SALL2: variants seen among roughly 807,000 people sequenced by gnomAD.
SALL2 encodes spalt like transcription factor 2.
A neutral mutation model predicts 58.5 loss-of-function variants in SALL2; 32 were observed. That is an observed-to-expected ratio of 0.55 (90% CI 0.41 to 0.74). The LOEUF (loss-of-function observed/expected upper bound fraction) is 0.74, where lower values mean the gene tolerates loss of function less well. SALL2 is among the 30% of genes least tolerant of loss of function. The pLI, the probability that SALL2 is intolerant of heterozygous loss-of-function variation, is 0.00. For missense variants in SALL2, 1,201 were observed against 1,268.9 expected (o/e 0.95, Z 0.81); for synonymous variants, 516 against 513.6 (o/e 1.00, Z -0.06).
chr14:21,537,031 A>G, exon 1 of SALL2: 1 of 803,858 alleles, frequency 1.2e-6, no homozygotes, highest in Middle Eastern at 2.3e-4. Context: ...CCTCTCCCCC[A>G]GCGCAAATCA....
At chr14:21,526,441 G>A, upstream of SALL2, 4 of 1,338,678 alleles carry the variant, frequency 3.0e-6, no homozygotes, top group Non-Finnish European at 3.8e-6. Context: ...GCTAGCGGGG[G>A]CGTGGGGGCG....
In SALL2 at chr14:21,522,340, T is replaced by A; in HGVS notation, c.*364A>T. On this transcript the variant is annotated 3_prime_UTR_variant, in exon 2 of 2. Coordinates refer to ENST00000537235, the MANE Select transcript of SALL2 (RefSeq NM_001364564.1). ...TCCAGAGACAGCTGCCAGCCCTTTT[T>A]GGCTAGGCTGCAATGCCAAATGTAG... 1 of 1,456,924 alleles carries A rather than the reference T, an allele frequency of 6.9e-7. No individual in the cohort carries two copies. The highest frequency in any genetic ancestry group is 9.0e-7 in the Non-Finnish European group (1 of 1,106,428). 90.2% of individuals were successfully genotyped at this position (1,456,924 alleles called of 1,614,324 possible). A position where few individuals can be genotyped will look rare whatever the true frequency, so the allele number is the denominator to read the frequency against.
chr14:21,529,299 C>T (rs551623768), upstream of SALL2, among the ~76,000 whole-genome samples: 1 of 152,208 alleles, frequency 6.6e-6, no homozygotes. Context: ...CCTGGACAAG[C>T]TTGTTTAAAC....
In SALL2 at chr14:21,521,986, G is replaced by T. The variant is rs1892049281; in HGVS notation, c.*718C>A. On this transcript the variant is annotated 3_prime_UTR_variant, in exon 2 of 2. Coordinates refer to ENST00000537235, the MANE Select transcript of SALL2 (RefSeq NM_001364564.1). ...ACCGGCACCTTCTGGAGCAGGGGGA[G>T]GAAGAAGGAATGTACAGTTTGCTAC... is the stretch of plus-strand genomic sequence containing the variant. The T allele has an allele frequency of 1.3e-6, 2 of 1,541,996 alleles. No homozygotes were observed.
In SALL2 at chr14:21,521,277, A is replaced by G. The variant is rs1442703067; in HGVS notation, c.*1427T>C. ...TGATCCTATGTTAAGAGTAAATACT[A>G]CAACTCATTACAAGACGGAGAGGCA... On this transcript the variant is annotated 3_prime_UTR_variant, in exon 2 of 2. Coordinates refer to ENST00000537235, the MANE Select transcript of SALL2 (RefSeq NM_001364564.1). The G allele has an allele frequency of 6.6e-6, 1 of 152,368 alleles. No individual in the cohort carries two copies. The highest frequency in any genetic ancestry group is 2.1e-4 in the South Asian group (1 of 4,824). The allele number at this position is 152,368 out of a possible 1,614,324, so 9.4% of individuals were successfully genotyped here. A position where few individuals can be genotyped will look rare whatever the true frequency, so the allele number is the denominator to read the frequency against.
At chr14:21,532,771 G>A (rs1024531970) in intron 1 of SALL2, among the ~76,000 whole-genome samples, 2 of 151,348 alleles carry the variant, frequency 1.3e-5, no homozygotes, top group African/African-American at 4.9e-5. Context: ...AGACCATCCT[G>A]GCTAACACAG....
intron 1 of SALL2, among the ~76,000 whole-genome samples, chr14:21,533,217 A>T (rs1594471212): frequency 1.3e-5 from 2 of 152,204 alleles, no homozygotes; most frequent in South Asian, 2.1e-4. Context: ...CTTATCTAGT[A>T]CTCTGTAACA....
At chr14:21,526,628 T>G (rs1304401227), upstream of SALL2, 5 of 428,316 alleles carry the variant, frequency 1.2e-5, no homozygotes, top group Non-Finnish European at 3.2e-6. Context: ...GTGGGAAACG[T>G]AGCCCTGCTC....
Position 21,525,946 on chromosome 14 carries a change from G to T in SALL2, c.67+115C>A. The T allele has an allele frequency of 9.5e-7, 1 of 1,053,484 alleles. No homozygotes were observed. The highest frequency in any genetic ancestry group is 1.4e-6 in the Non-Finnish European group (1 of 712,452). 65.3% of individuals were successfully genotyped at this position (1,053,484 alleles called of 1,614,324 possible). On this transcript the variant is annotated intron_variant, in intron 1 of 1. Transcript: ENST00000537235. The surrounding 1 kb of genome is among the most constrained non-coding windows in gnomAD (Gnocchi z 4.4). ...AGCGAGTTCACGGAATAGGTGTGGG[G>T]ACAGGGGCCTACGCAGAGAATCATG... is the stretch of plus-strand genomic sequence containing the variant.
Position 21,522,962 on chromosome 14 carries a change from G to T in SALL2, c.2760C>A (p.Ser920=). The T allele has an allele frequency of 6.2e-7, 1 of 1,614,120 alleles. No individual in the cohort carries two copies. Among genetic ancestry groups the T allele is most frequent in the Non-Finnish European group, 8.5e-7 (1 of 1,180,002 alleles). ...TCTGATGCTCCTCCAGAGCTGCCTG[G>T]GAGGGAAAGGCCTGGCCACACACTT... is the stretch of plus-strand genomic sequence containing the variant. ...ACEVCGQAFP[S]QAALEEHQKT... The change falls in exon 2 of 2, where the codon TCC becomes TCA. Residue 920 remains serine, a synonymous_variant. Transcript: ENST00000537235.
chr14:21,536,399 C>CT (rs1474260552), intron 1 of SALL2, among the ~76,000 whole-genome samples: 3 of 152,088 alleles, frequency 2.0e-5, no homozygotes, highest in African/African-American at 4.8e-5. Context: ...CAATGAGAAA[C>CT]TTTTTTCTCG....
chr14:21,531,709 C>CTTTTTTTTTTT (rs199554935), intron 1 of SALL2, among the ~76,000 whole-genome samples: 1 of 138,616 alleles, frequency 7.2e-6, no homozygotes. Context: ...GCCTGGCCAG[C>CTTTTTTTTTTT]CTTTTTTTTT....
rs1892043506 is a variant in SALL2 at position 21,521,849 on chromosome 14, C to T, written c.*855G>A. The T allele has an allele frequency of 5.9e-6, 5 of 840,638 alleles. No individual in the cohort carries two copies. Among genetic ancestry groups the T allele is most frequent in the Non-Finnish European group, 8.9e-6 (5 of 561,174 alleles). The allele number at this position is 840,638 out of a possible 1,614,324, so 52.1% of individuals were successfully genotyped here. The stretch of plus-strand genomic sequence containing the variant: ...TCTTGGCACACTGACCAGCCAAAAC[C>T]TTTACCTTAATGTGACCATCAGGGG... On this transcript the variant is annotated 3_prime_UTR_variant, in exon 2 of 2. Coordinates refer to ENST00000537235, the MANE Select transcript of SALL2 (RefSeq NM_001364564.1).
rs1892149459 is a variant in SALL2 at position 21,523,694 on chromosome 14, G to A, written c.2028C>T (p.Phe676=). The part of the protein sequence containing the change: ...FSTRGNLRAH[F]VGHKASPAAR... The stretch of plus-strand genomic sequence containing the variant: ...CAGCTGGACTGGCCTTGTGGCCCAC[G>A]AAATGTGCACGCAGATTACCCCTGG... The change falls in exon 2 of 2, where the codon TTC becomes TTT. Residue 676 remains phenylalanine, a synonymous_variant. Coordinates refer to ENST00000537235, the MANE Select transcript of SALL2 (RefSeq NM_001364564.1). The surrounding 1 kb of genome is among the most constrained non-coding windows in gnomAD (Gnocchi z 4.4). The A allele has an allele frequency of 5.0e-6, 8 of 1,614,070 alleles. No individual in the cohort carries two copies. The highest frequency in any genetic ancestry group is 1.3e-5 in the African/African-American group (1 of 74,942).
At position 21,523,007 on chromosome 14, in the gene SALL2, G is replaced by A. The variant is rs1456348663; in HGVS notation, c.2715C>T (p.Ser905=). Reference sequence around the variant, plus strand: ...ACACTTCGCAGGCCTTTCTGCTGCTGCTCTCTCCTGGCTCCTTTCTCATTG... The same window carrying A: ...ACACTTCGCAGGCCTTTCTGCTGCTACTCTCTCCTGGCTCCTTTCTCATTG... ...QEAMRKEPGE[S]SSRKACEVCG... is the part of the protein sequence containing the mutation. Residue 905 remains serine (S), a synonymous_variant, in exon 2 of 2, where the codon AGC becomes AGT. Coordinates refer to ENST00000537235, the MANE Select transcript of SALL2 (RefSeq NM_001364564.1). The surrounding 1 kb of genome is among the most constrained non-coding windows in gnomAD (Gnocchi z 4.4). 1.2e-6 allele frequency: 2 copies of A among 1,614,030 alleles called. No homozygotes were observed. The highest frequency in any genetic ancestry group is 2.7e-5 in the African/African-American group (2 of 74,908).
At chr14:21,534,032 A>G (rs566020413) in intron 1 of SALL2, among the ~76,000 whole-genome samples, 4 of 152,348 alleles carry the variant, frequency 2.6e-5, no homozygotes, top group East Asian at 1.9e-4. Flanking sequence ...TGAAGATCAC[A>G]TAAGTGAATA....
Position 21,523,860 on chromosome 14 carries a change from G to A in SALL2, c.1862C>T (p.Ser621Leu), listed in dbSNP as rs202181414. The A allele has an allele frequency of 1.0e-4, 163 of 1,614,118 alleles. No homozygotes were observed. The highest frequency in any genetic ancestry group is 1.3e-4 in the Non-Finnish European group (149 of 1,180,048). ...GTTAGGTCCAGAAGAGGCTGAGGAT[G>A]AAGGTGCAGGGGCAGAGGTGGTGGG... Reference protein sequence around the residue: ...GAPTTSAPAPSSSASSGPNQC... With the variant: ...GAPTTSAPAPLSSASSGPNQC... The change falls in exon 2 of 2, where the codon TCA becomes TTA. Residue 621 changes from serine (S) to leucine (L), a missense_variant. By Grantham distance (145) the Ser-to-Leu change is moderately radical (BLOSUM62 -2). This residue lies in a region of SALL2 where 675 missense variants were observed against 683.8 expected (regional missense o/e 0.99). Coordinates refer to ENST00000537235, the MANE Select transcript of SALL2 (RefSeq NM_001364564.1). The surrounding 1 kb of genome is among the most constrained non-coding windows in gnomAD (Gnocchi z 4.4).
chr14:21,522,841 G>A lies in SALL2; in HGVS notation c.2881C>T (p.His961Tyr). 2 of 1,610,786 alleles carry A rather than the reference G, an allele frequency of 1.2e-6. No individual in the cohort carries two copies. The highest frequency in any genetic ancestry group is 1.7e-6 in the Non-Finnish European group (2 of 1,178,570). ...ATLKKHMLLAHHQVQPFAPHG... is the reference protein window; with the variant it reads ...ATLKKHMLLAYHQVQPFAPHG... ...GGGGCAAAGGGCTGTACCTGGTGGT[G>A]TGCCAGGAGCATATGCTTCTTGAGG... Residue 961 changes from histidine (H) to tyrosine (Y), a missense_variant, in exon 2 of 2, where the codon CAC (histidine) becomes TAC (tyrosine). Physicochemically the swap from His to Tyr is moderately conservative, Grantham distance 83. This residue lies in a region of SALL2 where 675 missense variants were observed against 683.8 expected (regional missense o/e 0.99). Transcript: ENST00000537235.
Position 21,524,590 on chromosome 14 carries a change from T to G in SALL2, c.1132A>C (p.Lys378Gln). 1 of 1,614,220 alleles carries G rather than the reference T, an allele frequency of 6.2e-7. No homozygotes were observed. The highest frequency in any genetic ancestry group is 8.5e-7 in the Non-Finnish European group (1 of 1,180,050). ...AGGGCACTGTCACTGCCAAATACTT[T>G]GGCACAGAAGCGGCATTTGTGCCTT... ...GGRHKCRFCA[K>Q]VFGSDSALQI... Residue 378 changes from lysine to glutamine, a missense_variant, in exon 2 of 2, where the codon AAA becomes CAA. By Grantham distance (53) the Lys-to-Gln change is moderately conservative. Transcript: ENST00000537235.
Sources: gnomAD v4.1 joint callset for allele counts (sites outside exome capture counted in the v4.1 genomes callset) on GRCh38, gnomAD v4.1.1 for gene constraint, gnomAD v4.1.1 regional missense constraint, Gnocchi (gnomAD v3.1) non-coding constraint, MANE v1.5 for transcripts, NCBI Gene and HGNC (gene_info 2026-07-23, HGNC 2026-07-21) for gene names.